The following POLL variants were observed in gnomAD, a reference collection of about 807,000 sequenced individuals.
POLL encodes DNA polymerase beta-2.
In POLL, 44 loss-of-function variants were observed where a neutral mutation model predicts 58.1. That is an observed-to-expected ratio of 0.76 (90% CI 0.60 to 0.97). The LOEUF is 0.97. Ranked by LOEUF, POLL falls within the 50% of genes least tolerant of loss-of-function variation. The pLI is 0.00. For synonymous variants in POLL, 290 were observed against 283.2 expected (o/e 1.02, Z -0.24); for missense variants, 632 against 736.8 (o/e 0.86, Z 1.65).
Position 101,587,863 on chromosome 10 carries a change from GGTGA to G in POLL, c.-92_-89del, listed in dbSNP as rs1312893598. 19 of 1,190,450 alleles carry G rather than the reference GGTGA, an allele frequency of 1.6e-5. No individual in the cohort carries two copies. The highest frequency in any genetic ancestry group is 1.9e-5 in the Non-Finnish European group (18 of 942,424). The allele number at this position is 1,190,450 out of a possible 1,614,324, so 73.7% of individuals were successfully genotyped here. A position where few individuals can be genotyped will look rare whatever the true frequency, so the allele number is the denominator to read the frequency against. On this transcript the variant is annotated 5_prime_UTR_variant, in exon 1 of 9. Transcript: ENST00000370162. Reference sequence around the variant, plus strand: ...CAGAGGAAGGAGGAGGACTTTCGGGGGTGAGTGGGAACGCCCTGCACCTGTCCTG... The same window carrying G: ...CAGAGGAAGGAGGAGGACTTTCGGGGGTGGGAACGCCCTGCACCTGTCCTG...
intron 7 of POLL, among the ~76,000 whole-genome samples, chr10:101,582,419 C>A (rs2063050430): frequency 6.6e-6 from 1 of 152,136 alleles, no homozygotes; most frequent in African/African-American, 2.4e-5. Flanking sequence ...TCTGCCCTGA[C>A]CCACCCTAAC....
At chr10:101,583,826 G>A (rs1003005143) in intron 5 of POLL, 145 bp from the exon 6 acceptor site, 1 of 671,208 alleles carries the variant, frequency 1.5e-6, no homozygotes, top group Admixed American at 2.7e-5. Flanking sequence ...TGTAAAGCTT[G>A]GGTGTAGTTG....
chr10:101,582,745 T>C lies in POLL; in HGVS notation c.1194+18A>G, dbSNP rs1189135524. 6.2e-7 allele frequency: 1 copy of C among 1,612,428 alleles called. No homozygotes were observed. Among genetic ancestry groups the C allele is most frequent in the African/African-American group, 1.3e-5 (1 of 75,024 alleles). ...AGCAGGACCTGGCTGTCCTCACTGC[T>C]CTGGGACACCTGCTTACTGTCTGCT... On this transcript the variant is annotated intron_variant, in intron 7 of 8. Transcript: ENST00000370162.
chr10:101,583,732 G>C (rs769891234), intron 5 of POLL, 51 bp from the exon 6 acceptor site: 1 of 1,548,692 alleles, frequency 6.5e-7, no homozygotes, highest in South Asian at 1.1e-5. Context: ...AGATGGAAGA[G>C]GTAGAGCCAG....
chr10:101,579,755 C>G lies in POLL; in HGVS notation c.1426G>C (p.Val476Leu), dbSNP rs1265845344. ...CGCCCTGGCCCTGGGAGCCGGCACACCCCCAAGTACTTCTGTTGCTGACCA... is the reference window on the plus strand; with the variant it reads ...CGCCCTGGCCCTGGGAGCCGGCACAGCCCCAAGTACTTCTGTTGCTGACCA... ...ENGQQQKYLG[V>L]CRLPGPGRRH... The change falls in exon 9 of 9, where the codon GTG becomes CTG. Residue 476 changes from valine to leucine, a missense_variant. Physicochemically the swap from Val to Leu is conservative, Grantham distance 32. Coordinates refer to ENST00000370162, the MANE Select transcript of POLL (RefSeq NM_001174084.2). This position sits in a 1 kb window ranked among gnomAD's most constrained non-coding sequence, Gnocchi z 4.4. 2 of 1,613,886 alleles carry G rather than the reference C, an allele frequency of 1.2e-6. No individual in the cohort carries two copies. Among genetic ancestry groups the G allele is most frequent in the South Asian group, 2.2e-5 (2 of 91,066 alleles).
Position 101,579,587 on chromosome 10 carries a change from G to A in POLL, c.1594C>T (p.Leu532Phe), listed in dbSNP as rs1338926970. 1.2e-6 allele frequency: 2 copies of A among 1,614,066 alleles called. No individual in the cohort carries two copies. Among genetic ancestry groups the A allele is most frequent in the South Asian group, 1.1e-5 (1 of 91,086 alleles). Residue 532 changes from leucine (L) to phenylalanine (F), a missense_variant, in exon 9 of 9, where the codon CTC becomes TTC. By Grantham distance (22) the Leu-to-Phe change is conservative. Coordinates refer to ENST00000370162, the MANE Select transcript of POLL (RefSeq NM_001174084.2). This position sits in a 1 kb window ranked among gnomAD's most constrained non-coding sequence, Gnocchi z 4.4. Reference sequence around the variant, plus strand: ...GTGTTCCGGACCACAGCAGTGCTGAGGGCATGTTCTGACAGACTCATGCCC... The same window carrying A: ...GTGTTCCGGACCACAGCAGTGCTGAAGGCATGTTCTGACAGACTCATGCCC... ...TKGMSLSEHA[L>F]STAVVRNTHG... is the part of the protein sequence containing the mutation.
intron 7 of POLL, chr10:101,581,241 A>G (rs2062970543): frequency 6.6e-6 from 1 of 152,196 alleles, no homozygotes; most frequent in Admixed American, 6.5e-5. Context: ...GAGCCTCCCA[A>G]GAGAATGGAA....
chr10:101,585,079 G>T (rs1345271516), intron 4 of POLL, among the ~76,000 whole-genome samples, 160 bp from the exon 5 acceptor site: 1 of 152,210 alleles, frequency 6.6e-6, no homozygotes, highest in African/African-American at 2.4e-5. Flanking sequence ...CCTTGGGTGT[G>T]AGGCCACGTT....
Position 101,580,099 on chromosome 10 carries a change from C to T in POLL, c.1363+149G>A, listed in dbSNP as rs1448417222. The stretch of plus-strand genomic sequence containing the variant: ...TTCCATCTCTCCCTGGAGAGGATTC[C>T]GGCCCCGATAGAGAGATGGGATGCT... On this transcript the variant is annotated intron_variant, in intron 8 of 8. Coordinates refer to ENST00000370162, the MANE Select transcript of POLL (RefSeq NM_001174084.2). The surrounding 1 kb of genome is among the most constrained non-coding windows in gnomAD (Gnocchi z 4.1). 20 of 758,128 alleles carry T rather than the reference C, an allele frequency of 2.6e-5. No individual in the cohort carries two copies. The highest frequency in any genetic ancestry group is 1.2e-4 in the African/African-American group (7 of 56,928). 47.0% of individuals were successfully genotyped at this position (758,128 alleles called of 1,614,324 possible). A position where few individuals can be genotyped will look rare whatever the true frequency, so the allele number is the denominator to read the frequency against.
chr10:101,588,103 C>T lies in POLL; in HGVS notation c.-328G>A. On this transcript the variant is annotated 5_prime_UTR_variant, in exon 1 of 9. Transcript: ENST00000370162. The stretch of plus-strand genomic sequence containing the variant: ...TAGAAGAAAGCTGGAGTGCCCGACC[C>T]CGGCCCCAAGAGTCTCTCCAACCCC... 4 of 1,507,052 alleles carry T rather than the reference C, an allele frequency of 2.7e-6. No homozygotes were observed. Among genetic ancestry groups the T allele is most frequent in the Non-Finnish European group, 2.7e-6 (3 of 1,129,162 alleles). 93.4% of individuals were successfully genotyped at this position (1,507,052 alleles called of 1,614,324 possible).
At position 101,584,929 on chromosome 10, in the gene POLL, G is replaced by A; in HGVS notation, c.574-10C>T. 1 of 1,377,380 alleles carries A rather than the reference G, an allele frequency of 7.3e-7. No individual in the cohort carries two copies. The highest frequency in any genetic ancestry group is 9.5e-7 in the Non-Finnish European group (1 of 1,056,480). The allele number at this position is 1,377,380 out of a possible 1,614,324, so 85.3% of individuals were successfully genotyped here. A position where few individuals can be genotyped will look rare whatever the true frequency, so the allele number is the denominator to read the frequency against. On this transcript the variant is annotated splice_polypyrimidine_tract_variant and intron_variant, in intron 4 of 8. Coordinates refer to ENST00000370162, the MANE Select transcript of POLL (RefSeq NM_001174084.2). Reference sequence around the variant, plus strand: ...CATCATCAGAGATGGGCTTGGGATAGAGAAGAAAAGAAAACAATAAATTCT... The same window carrying A: ...CATCATCAGAGATGGGCTTGGGATAAAGAAGAAAAGAAAACAATAAATTCT...
rs554909142 is a variant in POLL, at chr10:101,588,235, G to T, written c.-460C>A. 888 of 1,550,980 alleles carry T rather than the reference G, an allele frequency of 5.7e-4. 13 individuals are homozygous for T. The South Asian group carries it at 9.9e-3, about 17-fold the overall frequency. ...AGCCAATGAGAGCGGACGAAGGGGGGAAGGAGGGCAAATGGCCAGAATAGC... is the reference window on the plus strand; with the variant it reads ...AGCCAATGAGAGCGGACGAAGGGGGTAAGGAGGGCAAATGGCCAGAATAGC... On this transcript the variant is annotated 5_prime_UTR_variant, in exon 1 of 9. Coordinates refer to ENST00000370162, the MANE Select transcript of POLL (RefSeq NM_001174084.2).
chr10:101,582,297 T>A (rs1379707291), intron 7 of POLL: 1 of 159,472 alleles, frequency 6.3e-6, no homozygotes, highest in African/African-American at 2.4e-5. Context: ...GAAAAAGACA[T>A]AAACCTTTGC....
chr10:101,587,779 C>A, intron 1 of POLL, 43 bp downstream of exon 1: 1 of 1,190,932 alleles, frequency 8.4e-7, no homozygotes, highest in South Asian at 1.6e-5. Context: ...GGAGCGGAGC[C>A]TGGGGAGGAC....
intron 6 of POLL, 28 bp downstream of exon 6, chr10:101,583,480 T>A: frequency 1.9e-6 from 3 of 1,610,602 alleles, no homozygotes; most frequent in Non-Finnish European, 2.5e-6. Flanking sequence ...ACAGCAAAAC[T>A]GAAGTAGGGG....
rs201220584 is a variant in POLL at position 101,579,425 on chromosome 10, G to A, written c.*28C>T. On this transcript the variant is annotated 3_prime_UTR_variant, in exon 9 of 9. Coordinates refer to ENST00000370162, the MANE Select transcript of POLL (RefSeq NM_001174084.2). The surrounding 1 kb of genome is among the most constrained non-coding windows in gnomAD (Gnocchi z 4.4). ...CCAGGAGGGGTAGCCAGTCCAACTC[G>A]GCTCTCCTCAGCACCCCCAGCCATG... The A allele has an allele frequency of 6.5e-5, 103 of 1,573,064 alleles. No individual in the cohort carries two copies. In the African/African-American group the frequency reaches 6.6e-4, roughly 10 times the overall value.
intron 1 of POLL, 159 bp downstream of exon 1, chr10:101,587,663 T>G: frequency 4.2e-6 from 4 of 947,114 alleles, no homozygotes; most frequent in East Asian, 5.1e-5. Flanking sequence ...AACGACACCA[T>G]TCCTCAGAGG....
chr10:101,585,873 G>A lies in POLL; in HGVS notation c.399C>T (p.Phe133=), dbSNP rs776401875. Reference sequence around the variant, plus strand: ...TGGGATCAGCCCACCTACTGGGGATGAAGATGCTGAATCCAGCTACATCCA... The same window carrying A: ...TGGGATCAGCCCACCTACTGGGGATAAAGATGCTGAATCCAGCTACATCCA... ...RLVDVAGFSI[F]IPSRYLDHPQ... is the part of the protein sequence containing the mutation. Residue 133 remains phenylalanine, a synonymous_variant, in exon 3 of 9, where the codon TTC becomes TTT. Transcript: ENST00000370162. 6.3e-6 allele frequency: 10 copies of A among 1,577,774 alleles called. No individual in the cohort carries two copies. The highest frequency in any genetic ancestry group is 8.7e-6 in the Non-Finnish European group (10 of 1,154,598).
rs371199967 is a variant in POLL at position 101,580,226 on chromosome 10, C to A, written c.1363+22G>T. On this transcript the variant is annotated intron_variant, in intron 8 of 8. Coordinates refer to ENST00000370162, the MANE Select transcript of POLL (RefSeq NM_001174084.2). This position sits in a 1 kb window ranked among gnomAD's most constrained non-coding sequence, Gnocchi z 4.1. ...CTGTGCTGCCCTCTGTCAACCTGCTCACCCAGAGATGGAGCTTATACCTTC... is the reference window on the plus strand; with the variant it reads ...CTGTGCTGCCCTCTGTCAACCTGCTAACCCAGAGATGGAGCTTATACCTTC... 1.5e-5 allele frequency: 24 copies of A among 1,600,120 alleles called. No homozygotes were observed. The highest frequency in any genetic ancestry group is 2.0e-5 in the Non-Finnish European group (24 of 1,171,782).
Sources: allele counts gnomAD v4.1 joint callset (sites outside exome capture counted in the v4.1 genomes callset), GRCh38; gene constraint gnomAD v4.1.1; non-coding constraint Gnocchi (gnomAD v3.1); transcripts MANE v1.5; gene names NCBI Gene and HGNC (gene_info 2026-07-23, HGNC 2026-07-21).